Variants in STXBP6 observed in about 807,000 individuals in gnomAD.
The protein encoded by STXBP6 is syntaxin-binding protein 6.
A neutral mutation model predicts 26.9 loss-of-function variants in STXBP6; 21 were observed. That is an observed-to-expected ratio of 0.78 (90% CI 0.55 to 1.12). The LOEUF (loss-of-function observed/expected upper bound fraction) is 1.12, where lower values mean the gene tolerates loss of function less well. Ranked by LOEUF, STXBP6 falls within the 50% of genes most tolerant of loss-of-function variation. The pLI, the probability that STXBP6 is intolerant of heterozygous loss-of-function variation, is 0.00. For missense variants in STXBP6, 232 were observed against 257.9 expected (o/e 0.90, Z 0.69); for synonymous variants, 97 against 92.6 (o/e 1.05, Z -0.27).
At chr14:24,963,661 A>T (rs575204691) in intron 2 of STXBP6, among the ~76,000 whole-genome samples, 5 of 152,316 alleles carry the variant, frequency 3.3e-5, no homozygotes, top group Admixed American at 1.3e-4. Flanking sequence ...GAAAGCTTTG[A>T]CATATTCAAG....
intron 2 of STXBP6, among the ~76,000 whole-genome samples, chr14:24,921,161 C>G (rs2071963626): frequency 6.6e-6 from 1 of 152,192 alleles, no homozygotes; most frequent in Non-Finnish European, 1.5e-5. Context: ...TCACTTACTT[C>G]ACAGGGATGT....
rs571316960 is a variant in STXBP6 at position 24,966,661 on chromosome 14, C to G, written c.154+8004G>C. Among the ~76,000 whole-genome samples, 4 of 152,294 alleles carry G rather than the reference C, an allele frequency of 2.6e-5. No homozygotes were observed. In the South Asian group the frequency reaches 8.3e-4, roughly 32 times the overall value. On this transcript the variant is annotated intron_variant, in intron 2 of 5. Transcript: ENST00000323944. ...CAAATGTTATTATCACTGGTTTTCA[C>G]AGGAAGAGATCTAGAACCACCAAGG...
intron 2 of STXBP6, among the ~76,000 whole-genome samples, chr14:24,945,742 A>G (rs2072966088): frequency 6.6e-6 from 1 of 152,154 alleles, no homozygotes; most frequent in Non-Finnish European, 1.5e-5. Flanking sequence ...GACCTTTACC[A>G]AGCATCAACT....
intron 4 of STXBP6, among the ~76,000 whole-genome samples, chr14:24,843,614 A>G (rs1307439081): frequency 6.6e-6 from 1 of 152,234 alleles, no homozygotes; most frequent in Non-Finnish European, 1.5e-5. Flanking sequence ...GTTTAAAAAG[A>G]GGAAGTGAAG....
At chr14:25,039,296 G>A (rs2075604240) in intron 1 of STXBP6, among the ~76,000 whole-genome samples, 1 of 152,150 alleles carries the variant, frequency 6.6e-6, no homozygotes, top group Admixed American at 6.5e-5. Flanking sequence ...GTTATTATAA[G>A]TCTTGTAGTT....
intron 1 of STXBP6, among the ~76,000 whole-genome samples, chr14:25,043,514 T>G (rs1417445376): frequency 6.6e-6 from 1 of 152,210 alleles, no homozygotes; most frequent in Non-Finnish European, 1.5e-5. Context: ...GTTTTCAGTG[T>G]ATTCAAAAAA....
chr14:24,966,352 G>T (rs2073732921), intron 2 of STXBP6, among the ~76,000 whole-genome samples: 1 of 150,824 alleles, frequency 6.6e-6, no homozygotes, highest in African/African-American at 2.4e-5. Context: ...TTTTAAGGGA[G>T]GGGAGAGTTC....
rs989642311 is a variant in STXBP6, at chr14:24,857,129, G to A, written c.183C>T (p.Ser61=). ...SVTNKKPTQA[S]ITKVKQFEGS... Reference sequence around the variant, plus strand: ...CTTCAAACTGTTTGACCTTTGTGATGGACGCCTGTGTGGGTTTCTTGTTTG... The same window carrying A: ...CTTCAAACTGTTTGACCTTTGTGATAGACGCCTGTGTGGGTTTCTTGTTTG... The change falls in exon 3 of 6, where the codon TCC becomes TCT. Residue 61 remains serine (S), a synonymous_variant. Coordinates refer to ENST00000323944, the MANE Select transcript of STXBP6 (RefSeq NM_001394410.1). 1 of 1,612,970 alleles carries A rather than the reference G, an allele frequency of 6.2e-7. No homozygotes were observed.
intron 1 of STXBP6, among the ~76,000 whole-genome samples, chr14:24,990,267 T>C (rs991129957): frequency 3.3e-5 from 5 of 152,146 alleles, no homozygotes; most frequent in African/African-American, 9.7e-5. Context: ...ATGCACCACA[T>C]GGGTATGCTT....
At chr14:24,999,247 C>T (rs2074686882) in intron 1 of STXBP6, among the ~76,000 whole-genome samples, 1 of 152,070 alleles carries the variant, frequency 6.6e-6, no homozygotes. Context: ...GTATCTTATT[C>T]AGACTGCAGA....
chr14:24,856,878 C>G, intron 3 of STXBP6, 149 bp downstream of exon 3: 1 of 915,754 alleles, frequency 1.1e-6, no homozygotes, highest in Non-Finnish European at 1.6e-6. Flanking sequence ...TAAGAAAGGA[C>G]TCTGTATCCG....
At chr14:24,878,279 G>A (rs182704859) in intron 2 of STXBP6, among the ~76,000 whole-genome samples, 17 of 151,770 alleles carry the variant, frequency 1.1e-4, no homozygotes, top group African/African-American at 3.4e-4. Flanking sequence ...ATTTTCAGTC[G>A]TGGTCAGGAA....
chr14:24,817,409 T>A (rs1378330627), intron 5 of STXBP6: 2 of 152,250 alleles, frequency 1.3e-5, no homozygotes, highest in African/African-American at 2.4e-5. Flanking sequence ...AAACTCTTGT[T>A]TTAGCAGAAT....
chr14:25,012,364 C>T lies in STXBP6; in HGVS notation c.-33+37514G>A, dbSNP rs574745487. On this transcript the variant is annotated intron_variant, in intron 1 of 5. Transcript: ENST00000323944. Reference sequence around the variant, plus strand: ...ATGCACACAGTCAGGCATGTTGGCTCACATGTGTAATCCCAGCACTTTGGG... The same window carrying T: ...ATGCACACAGTCAGGCATGTTGGCTTACATGTGTAATCCCAGCACTTTGGG... 2.6e-5 allele frequency among the ~76,000 whole-genome samples: 4 copies of T among 152,252 alleles called. No homozygotes were observed. In the South Asian group the frequency reaches 8.3e-4, roughly 32 times the overall value.
rs138198789 is a variant in STXBP6, at chr14:25,019,342, T to G, written c.-33+30536A>C. Among the ~76,000 whole-genome samples, 4 of 152,220 alleles carry G rather than the reference T, an allele frequency of 2.6e-5. No individual in the cohort carries two copies. The East Asian group carries it at 7.7e-4, about 29-fold the overall frequency. Reference sequence around the variant, plus strand: ...AGAGAAGTGATTCTTTCCTTGGGAATAGTTTGAGAAAAAAAAATCCAAGAT... The same window carrying G: ...AGAGAAGTGATTCTTTCCTTGGGAAGAGTTTGAGAAAAAAAAATCCAAGAT... On this transcript the variant is annotated intron_variant, in intron 1 of 5. Transcript: ENST00000323944.
chr14:24,958,490 T>C (rs1359436324), intron 2 of STXBP6, among the ~76,000 whole-genome samples: 1 of 152,146 alleles, frequency 6.6e-6, no homozygotes, highest in Non-Finnish European at 1.5e-5. Flanking sequence ...AAGATAAAAT[T>C]AGATTTTGGA....
Position 24,949,859 on chromosome 14 carries a change from T to A in STXBP6, c.154+24806A>T, listed in dbSNP as rs940008271. Among the ~76,000 whole-genome samples, 8 of 152,172 alleles carry A rather than the reference T, an allele frequency of 5.3e-5. No homozygotes were observed. The South Asian group carries it at 1.7e-3, about 32-fold the overall frequency. On this transcript the variant is annotated intron_variant, in intron 2 of 5. Transcript: ENST00000323944. ...TCAGCCAATCACAGGTAGCCAGCTATTCAAACCGTGTTCAAATAAGGCAAA... is the reference window on the plus strand; with the variant it reads ...TCAGCCAATCACAGGTAGCCAGCTAATCAAACCGTGTTCAAATAAGGCAAA...
chr14:24,931,277 C>A (rs2072397291), intron 2 of STXBP6, among the ~76,000 whole-genome samples: 1 of 151,284 alleles, frequency 6.6e-6, no homozygotes, highest in Non-Finnish European at 1.5e-5. Context: ...AGGAGATATA[C>A]CTAATGTCAA....
At chr14:24,934,195 A>G (rs2072518984) in intron 2 of STXBP6, among the ~76,000 whole-genome samples, 1 of 152,212 alleles carries the variant, frequency 6.6e-6, no homozygotes, top group Non-Finnish European at 1.5e-5. Context: ...GAACTTGTAG[A>G]TTTTATAGAG....
Sources: gnomAD v4.1 joint callset for allele counts (sites outside exome capture counted in the v4.1 genomes callset) on GRCh38, gnomAD v4.1.1 for gene constraint, MANE v1.5 for transcripts, NCBI Gene and HGNC (gene_info 2026-07-23, HGNC 2026-07-21) for gene names.